TMEM94: variants seen among roughly 807,000 people sequenced by gnomAD.
TMEM94 encodes the protein transmembrane protein 94.
Under a neutral mutation model 158.6 loss-of-function variants are expected in TMEM94, and 81 were observed. The ratio of observed to expected loss-of-function variants is 0.51; its 90% CI spans 0.43 to 0.61. The LOEUF (loss-of-function observed/expected upper bound fraction) is 0.61. TMEM94 is among the 20% of genes least tolerant of loss of function. The probability of loss-of-function intolerance (pLI) is 0.00; values close to 1 mark genes in which losing one functional copy is unlikely to be tolerated. For synonymous variants in TMEM94, 751 were observed against 730.7 expected (o/e 1.03, Z -0.45); for missense variants, 1,435 against 1,762.0 (o/e 0.81, Z 3.32).
rs1480330377 is a variant in TMEM94, at chr17:75,498,898, G to A, written c.3828-14G>A. 17 of 1,534,260 alleles carry A rather than the reference G, an allele frequency of 1.1e-5. No individual in the cohort carries two copies. The highest frequency in any genetic ancestry group is 3.7e-5 in the South Asian group (3 of 80,470). On this transcript the variant is annotated splice_polypyrimidine_tract_variant and intron_variant, in intron 30 of 31. Coordinates refer to ENST00000314256, the MANE Select transcript of TMEM94 (RefSeq NM_014738.6). The surrounding 1 kb of genome is among the most constrained non-coding windows in gnomAD (Gnocchi z 6.7). The stretch of plus-strand genomic sequence containing the variant: ...AGCAGTGTCGGGTTCACACGGGGCC[G>A]CCACCTCCTGCAGGCTGCTGGGTCA...
intron 1 of TMEM94, among the ~76,000 whole-genome samples, chr17:75,462,287 A>G (rs979749754): frequency 3.2e-4 from 48 of 151,830 alleles, no homozygotes; most frequent in African/African-American, 1.1e-3. Flanking sequence ...GTGATCTGTC[A>G]GCCTCGACCT....
chr17:75,482,902 A>C (rs1469137032), intron 2 of TMEM94, among the ~76,000 whole-genome samples: 1 of 152,222 alleles, frequency 6.6e-6, no homozygotes, highest in East Asian at 1.9e-4. Flanking sequence ...AGGAATTTGC[A>C]GTCTGGCGGG....
Position 75,488,054 on chromosome 17 carries a change from C to T in TMEM94, c.532C>T (p.Pro178Ser), listed in dbSNP as rs779607806. The change falls in exon 6 of 32, where the codon CCA (proline) becomes TCA (serine). Residue 178 changes from proline to serine, a missense_variant. Around this residue, in one of 3 missense-constraint regions of TMEM94, gnomAD observed 1,051 missense variants for 1,254.4 expected, o/e 0.84. Coordinates refer to ENST00000314256, the MANE Select transcript of TMEM94 (RefSeq NM_014738.6). ...CAGAGACGGACACCTGGTCAACCTGCCAGTCAGCCTGCTGGTTGAAGGAGA... is the reference window on the plus strand; with the variant it reads ...CAGAGACGGACACCTGGTCAACCTGTCAGTCAGCCTGCTGGTTGAAGGAGA... Reference protein sequence around the residue: ...AYRDGHLVNLPVSLLVEGDII... With the variant: ...AYRDGHLVNLSVSLLVEGDII... 2 of 1,614,186 alleles carry T rather than the reference C, an allele frequency of 1.2e-6. No individual in the cohort carries two copies. Among genetic ancestry groups the T allele is most frequent in the South Asian group, 1.1e-5 (1 of 91,078 alleles).
rs116310898 is a variant in TMEM94, at chr17:75,466,185, T to C, written c.-106-5615T>C. Among the ~76,000 whole-genome samples, 1,030 of 152,326 alleles carry C rather than the reference T, an allele frequency of 6.8e-3. 9 individuals carry two copies. The highest frequency in any genetic ancestry group is 0.023 in the African/African-American group (966 of 41,568). ...GCCTCCACCCCTCCTGCATATTTTC[T>C]TCTGGAAGTATTATAGTTTTAACCT... On this transcript the variant is annotated intron_variant, in intron 1 of 31. Transcript: ENST00000314256.
At chr17:75,496,967 G>A (rs1408050703) in intron 25 of TMEM94, 146 bp from the exon 26 acceptor site, 2 of 996,966 alleles carry the variant, frequency 2.0e-6, no homozygotes, top group African/African-American at 1.6e-5. Flanking sequence ...GACCCTCATT[G>A]GCAGAAGAGT....
intron 2 of TMEM94, among the ~76,000 whole-genome samples, chr17:75,482,363 A>G (rs2051230373): frequency 6.6e-6 from 1 of 151,818 alleles, no homozygotes; most frequent in South Asian, 2.1e-4. Flanking sequence ...AAAAAAAAAA[A>G]AGCAAAGAAA....
rs1360475420 is a variant in TMEM94, at chr17:75,491,951, C to T, written c.1596+51C>T. ...AGCCACACCCTCGGCCACAGGCTGT[C>T]CTGGCCTCCCTGGCCAGCCTGGCCT... On this transcript the variant is annotated intron_variant, in intron 14 of 31. Transcript: ENST00000314256. The surrounding 1 kb of genome is among the most constrained non-coding windows in gnomAD (Gnocchi z 5.1). The T allele has an allele frequency of 2.6e-6, 4 of 1,516,572 alleles. No individual in the cohort carries two copies. The highest frequency in any genetic ancestry group is 1.8e-6 in the Non-Finnish European group (2 of 1,112,696). 93.9% of individuals were successfully genotyped at this position (1,516,572 alleles called of 1,614,324 possible).
In TMEM94 at chr17:75,496,434, A is replaced by C. The variant is rs1376573848; in HGVS notation, c.3206A>C (p.Gln1069Pro). Reference protein sequence around the residue: ...NSLPCSLTFRQEETISIIRLI... With the variant: ...NSLPCSLTFRPEETISIIRLI... The stretch of plus-strand genomic sequence containing the variant: ...CTGCCCTGTTCCCTGACCTTTCGCC[A>C]GGAGGAGACCATCAGCATCATCCGG... The change falls in exon 24 of 32, where the codon CAG becomes CCG. Residue 1069 changes from glutamine (Q) to proline (P), a missense_variant. Physicochemically the swap from Gln to Pro is moderately conservative, Grantham distance 76. Around this residue, in one of 3 missense-constraint regions of TMEM94, gnomAD observed 335 missense variants for 409.1 expected, o/e 0.82. Coordinates refer to ENST00000314256, the MANE Select transcript of TMEM94 (RefSeq NM_014738.6). 1.9e-6 allele frequency: 3 copies of C among 1,613,482 alleles called. No homozygotes were observed. The highest frequency in any genetic ancestry group is 2.5e-6 in the Non-Finnish European group (3 of 1,180,000).
At position 75,486,013 on chromosome 17, in the gene TMEM94, G is replaced by A. The variant is rs1371283530; in HGVS notation, c.272+15G>A. The stretch of plus-strand genomic sequence containing the variant: ...CCAGCCGGGAGGTGTGCGCCCAGGG[G>A]CTGCTCCCCAACCTCTCCAGCTGTG... On this transcript the variant is annotated intron_variant, in intron 4 of 31. Transcript: ENST00000314256. 2 of 1,521,688 alleles carry A rather than the reference G, an allele frequency of 1.3e-6. No homozygotes were observed. Among genetic ancestry groups the A allele is most frequent in the African/African-American group, 1.9e-5 (1 of 52,232 alleles). The allele number at this position is 1,521,688 out of a possible 1,614,324, so 94.3% of individuals were successfully genotyped here.
At chr17:75,469,875 C>T (rs532540933) in intron 1 of TMEM94, among the ~76,000 whole-genome samples, 1 of 151,924 alleles carries the variant, frequency 6.6e-6, no homozygotes, top group Non-Finnish European at 1.5e-5. Context: ...GAGTTTGAGA[C>T]GAGCCTGACC....
At chr17:75,490,834 T>A (rs2052107337) in intron 11 of TMEM94, 76 bp downstream of exon 11, 4 of 1,381,840 alleles carry the variant, frequency 2.9e-6, no homozygotes, top group Non-Finnish European at 4.1e-6. Context: ...ATTTATGGCC[T>A]TAAAGCCTCC....
Position 75,498,002 on chromosome 17 carries a change from C to T in TMEM94, c.3489+140C>T. 8.6e-7 allele frequency: 1 copy of T among 1,167,684 alleles called. No homozygotes were observed. The allele number at this position is 1,167,684 out of a possible 1,614,324, so 72.3% of individuals were successfully genotyped here. A position where few individuals can be genotyped will look rare whatever the true frequency, so the allele number is the denominator to read the frequency against. On this transcript the variant is annotated intron_variant, in intron 27 of 31. Coordinates refer to ENST00000314256, the MANE Select transcript of TMEM94 (RefSeq NM_014738.6). This position sits in a 1 kb window ranked among gnomAD's most constrained non-coding sequence, Gnocchi z 6.7. Reference sequence around the variant, plus strand: ...CGGCACTTGGTTCCTAGTCTTCCCCCAGATCAAAGAGGAGGTAGTGGCACA... The same window carrying T: ...CGGCACTTGGTTCCTAGTCTTCCCCTAGATCAAAGAGGAGGTAGTGGCACA...
chr17:75,485,958 C>T lies in TMEM94; in HGVS notation c.232C>T (p.Leu78=), dbSNP rs771178037. The change falls in exon 4 of 32, where the codon CTG becomes TTG. Residue 78 remains leucine, a synonymous_variant. Coordinates refer to ENST00000314256, the MANE Select transcript of TMEM94 (RefSeq NM_014738.6). This position sits in a 1 kb window ranked among gnomAD's most constrained non-coding sequence, Gnocchi z 5.5. Reference sequence around the variant, plus strand: ...GGCCTCACTCATGCTACTGGCCGTGCTGCTGCTGCTGGGCTGCTGCGGGGG... The same window carrying T: ...GGCCTCACTCATGCTACTGGCCGTGTTGCTGCTGCTGGGCTGCTGCGGGGG... ...PGASLMLLAV[L]LLLGCCGGQP... is the part of the protein sequence containing the mutation. 12 of 1,602,450 alleles carry T rather than the reference C, an allele frequency of 7.5e-6. No individual in the cohort carries two copies.
chr17:75,491,231 C>T lies in TMEM94; in HGVS notation c.1234-72C>T. ...TGGCTGGGCCTGGGCTGCCCACCTGCCGCTTGAGTGGCCCCTGGGCAGGAT... is the reference window on the plus strand; with the variant it reads ...TGGCTGGGCCTGGGCTGCCCACCTGTCGCTTGAGTGGCCCCTGGGCAGGAT... On this transcript the variant is annotated intron_variant, in intron 12 of 31. Transcript: ENST00000314256. The surrounding 1 kb of genome is among the most constrained non-coding windows in gnomAD (Gnocchi z 5.1). The T allele has an allele frequency of 6.2e-7, 1 of 1,600,536 alleles. No individual in the cohort carries two copies. Among genetic ancestry groups the T allele is most frequent in the Non-Finnish European group, 8.5e-7 (1 of 1,171,322 alleles).
chr17:75,471,864 G>A lies in TMEM94; in HGVS notation c.-42G>A. 1 of 1,612,826 alleles carries A rather than the reference G, an allele frequency of 6.2e-7. No individual in the cohort carries two copies. The highest frequency in any genetic ancestry group is 8.5e-7 in the Non-Finnish European group (1 of 1,179,016). On this transcript the variant is annotated 5_prime_UTR_variant, in exon 2 of 32. In the 5' UTR this introduces an upstream ATG that the reference lacks. Coordinates refer to ENST00000314256, the MANE Select transcript of TMEM94 (RefSeq NM_014738.6). ...CTGGGGAGGAGCCTTCCTTTCAGGG[G>A]TGACCACATTCATCTGGGCATGCCT... is the stretch of plus-strand genomic sequence containing the variant.
chr17:75,493,146 G>T, intron 16 of TMEM94, 44 bp downstream of exon 16: 1 of 1,587,914 alleles, frequency 6.3e-7, no homozygotes. Flanking sequence ...AGACCTTCCA[G>T]AGCTTGGCAG....
chr17:75,457,490 G>A (rs1322711674), intron 1 of TMEM94: 1 of 152,088 alleles, frequency 6.6e-6, no homozygotes, highest in East Asian at 1.9e-4. Context: ...GTGTCACCGC[G>A]GGCTAAACTT....
At chr17:75,465,675 A>AT (rs2050280339) in intron 1 of TMEM94, among the ~76,000 whole-genome samples, 1 of 77,118 alleles carries the variant, frequency 1.3e-5, no homozygotes, top group South Asian at 4.5e-4. Context: ...ATATATATAT[A>AT]TATATTTTTT....
At chr17:75,493,348 C>T (rs1598420411) in intron 16 of TMEM94, 143 bp from the exon 17 acceptor site, 1 of 899,552 alleles carries the variant, frequency 1.1e-6, no homozygotes, top group Non-Finnish European at 1.7e-6. Flanking sequence ...CATTGCAGAG[C>T]CTTGCTGTCC....
Sources: gnomAD v4.1 joint callset for allele counts (sites outside exome capture counted in the v4.1 genomes callset) on GRCh38, gnomAD v4.1.1 for gene constraint, gnomAD v4.1.1 regional missense constraint, Gnocchi (gnomAD v3.1) non-coding constraint, MANE v1.5 for transcripts, NCBI Gene and HGNC (gene_info 2026-07-23, HGNC 2026-07-21) for gene names.